GRIA4: variants seen among roughly 807,000 people sequenced by gnomAD.
GRIA4 encodes the protein glutamate ionotropic receptor AMPA type subunit 4.
In GRIA4, 34 loss-of-function variants were observed where a neutral mutation model predicts 104.0. The ratio of observed to expected loss-of-function variants is 0.33; its 90% CI spans 0.25 to 0.44. The LOEUF (loss-of-function observed/expected upper bound fraction) is 0.44, where lower values mean the gene tolerates loss of function less well. GRIA4 is among the 20% of genes least tolerant of loss of function. The pLI is 1.00. For synonymous variants in GRIA4, 386 were observed against 381.9 expected, an observed-to-expected ratio of 1.01 and a Z score of -0.13; for missense variants, 750 against 1,096.5, an observed-to-expected ratio of 0.68 and a Z score of 4.46.
At chr11:105,806,416 TCC>T (rs1173852720) in intron 4 of GRIA4, among the ~76,000 whole-genome samples, 1 of 151,868 alleles carries the variant, frequency 6.6e-6, no homozygotes, top group Non-Finnish European at 1.5e-5. Context: ...GGTACCAGTT[TCC>T]TTGAAAAGAA....
At chr11:105,971,220 CAAGAT>C (rs1174619947) in intron 14 of GRIA4, among the ~76,000 whole-genome samples, 1 of 152,074 alleles carries the variant, frequency 6.6e-6, no homozygotes, top group Non-Finnish European at 1.5e-5. Context: ...TCAAGATAGA[CAAGAT>C]AGATGAAAAT....
rs61660847 is a variant in GRIA4, at chr11:105,674,505, T to G, written c.247+62071T>G. Among the ~76,000 whole-genome samples, 731 of 151,962 alleles carry G rather than the reference T, an allele frequency of 4.8e-3. 9 individuals are homozygous for G. Among genetic ancestry groups the G allele is most frequent in the African/African-American group, 0.017 (697 of 41,534 alleles). On this transcript the variant is annotated intron_variant, in intron 3 of 16. Transcript: ENST00000282499. ...GCCTATGAATATAGTAGTAACACTG[T>G]GGCCAAATATAGGCTATAGTATAAT...
intron 4 of GRIA4, among the ~76,000 whole-genome samples, chr11:105,812,308 A>G (rs1943207014): frequency 6.6e-6 from 1 of 152,072 alleles, no homozygotes; most frequent in Non-Finnish European, 1.5e-5. Context: ...TTTATTTGAT[A>G]TGAATTTATG....
At chr11:105,676,616 T>C (rs1385352536) in intron 3 of GRIA4, among the ~76,000 whole-genome samples, 2 of 151,774 alleles carry the variant, frequency 1.3e-5, no homozygotes, top group Non-Finnish European at 3.0e-5. Context: ...TTGATAACAG[T>C]AACTTGTAAA....
intron 3 of GRIA4, among the ~76,000 whole-genome samples, chr11:105,643,193 C>A (rs553870255): frequency 1.6e-4 from 25 of 152,200 alleles, no homozygotes; most frequent in African/African-American, 5.5e-4. Flanking sequence ...ACAGCCAAAC[C>A]AAATCAAACA....
intron 16 of GRIA4, among the ~76,000 whole-genome samples, chr11:105,978,682 A>G (rs1859117303): frequency 6.6e-6 from 1 of 152,174 alleles, no homozygotes; most frequent in African/African-American, 2.4e-5. Context: ...GTGAGTTATG[A>G]ACTAAGTCAT....
chr11:105,627,978 T>A (rs1250402450), intron 3 of GRIA4, among the ~76,000 whole-genome samples: 2 of 152,142 alleles, frequency 1.3e-5, no homozygotes. Context: ...GACTTGCCAC[T>A]CAATCACATA....
chr11:105,829,912 G>A (rs1943911764), intron 4 of GRIA4, among the ~76,000 whole-genome samples: 1 of 151,764 alleles, frequency 6.6e-6, no homozygotes, highest in Non-Finnish European at 1.5e-5. Flanking sequence ...GAAGAGAGCT[G>A]GAAAAGTATA....
At chr11:105,612,110 T>C (rs926346842) in intron 2 of GRIA4, among the ~76,000 whole-genome samples, 166 bp from the exon 3 acceptor site, 2 of 152,138 alleles carry the variant, frequency 1.3e-5, no homozygotes, top group African/African-American at 4.8e-5. Context: ...AAAGACTAAA[T>C]ACTAAGCATG....
intron 4 of GRIA4, among the ~76,000 whole-genome samples, chr11:105,821,067 C>A (rs926767380): frequency 6.6e-6 from 1 of 152,042 alleles, no homozygotes; most frequent in East Asian, 1.9e-4. Flanking sequence ...ACCTTCTGTT[C>A]AATTTGAAAT....
chr11:105,764,588 G>C (rs559753788), intron 4 of GRIA4, among the ~76,000 whole-genome samples: 2 of 152,072 alleles, frequency 1.3e-5, no homozygotes, highest in African/African-American at 4.8e-5. Flanking sequence ...ATCAGAAAGA[G>C]ACCCCCCTAC....
intron 10 of GRIA4, among the ~76,000 whole-genome samples, chr11:105,917,521 C>T (rs1033653452): frequency 6.6e-6 from 1 of 152,050 alleles, no homozygotes; most frequent in African/African-American, 2.4e-5. Flanking sequence ...TTCAACTTCC[C>T]CAATTATGAA....
intron 14 of GRIA4, among the ~76,000 whole-genome samples, chr11:105,964,135 A>C (rs915017351): frequency 2.0e-5 from 3 of 152,148 alleles, no homozygotes; most frequent in African/African-American, 4.8e-5. Flanking sequence ...CTCTATCTTC[A>C]TTCCTACATT....
intron 3 of GRIA4, among the ~76,000 whole-genome samples, chr11:105,692,247 C>CTT (rs78680304): frequency 4.1e-5 from 6 of 146,914 alleles, no homozygotes; most frequent in African/African-American, 1.3e-4. Flanking sequence ...ATCATTTCCT[C>CTT]TTTTTTTTAA....
At chr11:105,938,564 C>T (rs1948108744) in intron 14 of GRIA4, among the ~76,000 whole-genome samples, 1 of 152,016 alleles carries the variant, frequency 6.6e-6, no homozygotes, top group South Asian at 2.1e-4. Context: ...TATGAATACC[C>T]TTCATTTTTA....
chr11:105,774,033 T>G (rs1404725246), intron 4 of GRIA4, among the ~76,000 whole-genome samples: 7 of 151,740 alleles, frequency 4.6e-5, no homozygotes, highest in Non-Finnish European at 7.4e-5. Context: ...TTGTATATGT[T>G]TTATGGAACA....
At chr11:105,890,585 G>A (rs1173429833) in intron 6 of GRIA4, among the ~76,000 whole-genome samples, 1 of 152,072 alleles carries the variant, frequency 6.6e-6, no homozygotes, top group Admixed American at 6.5e-5. Context: ...TGTATTCTAT[G>A]CCCCTCTGAT....
rs189861310 is a variant in GRIA4 at position 105,658,546 on chromosome 11, A to T, written c.247+46112A>T. Among the ~76,000 whole-genome samples the T allele has an allele frequency of 1.1e-4, 17 of 152,112 alleles. No homozygotes were observed. In the East Asian group the frequency reaches 2.9e-3, roughly 26 times the overall value. ...TAATGGAGGTGATTTCTGTGGGGAC[A>T]TGAATCCAAATATAAGTAATATCAT... On this transcript the variant is annotated intron_variant, in intron 3 of 16. Transcript: ENST00000282499.
chr11:105,960,933 C>T (rs1948729439), intron 14 of GRIA4, among the ~76,000 whole-genome samples: 1 of 152,160 alleles, frequency 6.6e-6, no homozygotes, highest in Non-Finnish European at 1.5e-5. Flanking sequence ...GTGGGTCATG[C>T]CAGCCTTCTA....
Sources: gnomAD v4.1 joint callset for allele counts (sites outside exome capture counted in the v4.1 genomes callset) on GRCh38, gnomAD v4.1.1 for gene constraint, MANE v1.5 for transcripts, NCBI Gene and HGNC (gene_info 2026-07-23, HGNC 2026-07-21) for gene names.